SASH1: variants seen among roughly 807,000 people sequenced by gnomAD.
SASH1 encodes the protein SAM and SH3 domain-containing protein 1.
A neutral mutation model predicts 125.2 loss-of-function variants in SASH1; 44 were observed. That is an observed-to-expected ratio of 0.35 (90% confidence interval 0.28 to 0.45). The LOEUF (loss-of-function observed/expected upper bound fraction) is 0.45. SASH1 is among the 20% of genes least tolerant of loss of function. The pLI, the probability that SASH1 is intolerant of heterozygous loss-of-function variation, is 1.00. For missense variants in SASH1, 1,426 were observed against 1,614.5 expected (o/e 0.88, Z 2.00); for synonymous variants, 639 against 649.1 (o/e 0.98, Z 0.24).
At chr6:148,194,751 C>T in the SASH1 span, among the ~76,000 whole-genome samples, 1 of 152,026 alleles carries the variant, frequency 6.6e-6, no homozygotes, top group South Asian at 2.1e-4. Flanking sequence ...ACTAAAAATA[C>T]TAAAAATTAG....
At chr6:148,457,594 C>T (rs1265814984) in intron 4 of SASH1, among the ~76,000 whole-genome samples, 2 of 152,128 alleles carry the variant, frequency 1.3e-5, no homozygotes, top group East Asian at 1.9e-4. Flanking sequence ...GACTGAAATA[C>T]GATGAGATTT....
the SASH1 span, among the ~76,000 whole-genome samples, chr6:148,204,027 G>C: frequency 1.3e-5 from 2 of 152,154 alleles, no homozygotes; most frequent in African/African-American, 4.8e-5. Context: ...AAAATTGCCG[G>C]GAATTTTTGC....
chr6:148,449,052 C>G (rs7764150), intron 4 of SASH1, among the ~76,000 whole-genome samples: 1 of 139,464 alleles, frequency 7.2e-6, no homozygotes, highest in African/African-American at 2.6e-5. Context: ...ATAGAATACC[C>G]GAGACTGGCT....
chr6:148,288,007 G>A (rs1489881990), intron 1 of SASH1, among the ~76,000 whole-genome samples: 1 of 152,122 alleles, frequency 6.6e-6, no homozygotes, highest in Non-Finnish European at 1.5e-5. Context: ...CTTTTTTGGT[G>A]GGCTTTCGTT....
At chr6:148,228,274 T>C in the SASH1 span, among the ~76,000 whole-genome samples, 1 of 152,228 alleles carries the variant, frequency 6.6e-6, no homozygotes, top group Non-Finnish European at 1.5e-5. Context: ...TGAGATTTAA[T>C]AGTATTTTTA....
intron 8 of SASH1, among the ~76,000 whole-genome samples, chr6:148,510,803 C>G (rs1780071309): frequency 6.6e-6 from 1 of 151,788 alleles, no homozygotes; most frequent in African/African-American, 2.4e-5. Context: ...TCAAGACCAG[C>G]CTGGCCAACA....
the SASH1 span, among the ~76,000 whole-genome samples, chr6:148,258,426 C>A: frequency 6.6e-6 from 1 of 152,058 alleles, no homozygotes; most frequent in South Asian, 2.1e-4. Context: ...ACAATAAACC[C>A]CTAAATAGAT....
chr6:148,450,546 T>C (rs1263936885), intron 4 of SASH1, among the ~76,000 whole-genome samples: 1 of 152,070 alleles, frequency 6.6e-6, no homozygotes, highest in Non-Finnish European at 1.5e-5. Context: ...CTCCTTGGAC[T>C]CTAGTAGCAT....
chr6:148,535,419 A>G (rs1051848348), intron 16 of SASH1, among the ~76,000 whole-genome samples: 2 of 152,224 alleles, frequency 1.3e-5, no homozygotes, highest in African/African-American at 4.8e-5. Context: ...GTTTTCGCTC[A>G]GCCAAAGCTT....
chr6:148,534,915 T>A lies in SASH1; in HGVS notation c.2095+14T>A. On this transcript the variant is annotated intron_variant, in intron 16 of 19. Transcript: ENST00000367467. Reference sequence around the variant, plus strand: ...AAGAGTATGACAGTAAGTCCCTGTATGCACAGAGGTGTTCCCTGTGAGGTC... The same window carrying A: ...AAGAGTATGACAGTAAGTCCCTGTAAGCACAGAGGTGTTCCCTGTGAGGTC... The A allele has an allele frequency of 6.2e-7, 1 of 1,612,548 alleles. No individual in the cohort carries two copies. The highest frequency in any genetic ancestry group is 8.5e-7 in the Non-Finnish European group (1 of 1,178,972).
intron 7 of SASH1, among the ~76,000 whole-genome samples, chr6:148,475,492 T>TA (rs941478367): frequency 1.7e-4 from 26 of 152,174 alleles, no homozygotes; most frequent in African/African-American, 6.3e-4. Context: ...GCCAAGAAGC[T>TA]AAAGGGGGCA....
chr6:148,424,244 T>A (rs75585915), intron 2 of SASH1, among the ~76,000 whole-genome samples: 1 of 148,590 alleles, frequency 6.7e-6, no homozygotes. Flanking sequence ...TTTTTTTTTT[T>A]GGGGGGGGGA....
At chr6:148,486,118 C>A (rs2115193598) in intron 7 of SASH1, among the ~76,000 whole-genome samples, 1 of 151,966 alleles carries the variant, frequency 6.6e-6, no homozygotes, top group Non-Finnish European at 1.5e-5. Context: ...TTGCTATAGC[C>A]TTTCTTTCCT....
chr6:148,222,959 T>C, the SASH1 span, among the ~76,000 whole-genome samples: 5 of 152,198 alleles, frequency 3.3e-5, no homozygotes, highest in Non-Finnish European at 1.5e-5. Flanking sequence ...CTTATTTATA[T>C]AATGAGGATA....
chr6:148,541,596 G>GAAAAA (rs1277542673), intron 17 of SASH1, among the ~76,000 whole-genome samples: 2 of 152,124 alleles, frequency 1.3e-5, no homozygotes, highest in Admixed American at 1.3e-4. Context: ...GGAATCATGG[G>GAAAAA]AAAAAATAGT....
the SASH1 span, among the ~76,000 whole-genome samples, chr6:148,262,159 C>A: frequency 2.6e-5 from 4 of 152,136 alleles, no homozygotes; most frequent in Admixed American, 6.5e-5. Flanking sequence ...TTATTCATGT[C>A]TTTTCACCTC....
intron 1 of SASH1, among the ~76,000 whole-genome samples, chr6:148,360,355 T>TC (rs2114702375): frequency 6.6e-6 from 1 of 151,612 alleles, no homozygotes; most frequent in East Asian, 1.9e-4. Flanking sequence ...TTGTTTTTTT[T>TC]TTTTTTTTTC....
the SASH1 span, among the ~76,000 whole-genome samples, chr6:148,201,566 C>A: frequency 3.8e-4 from 58 of 152,270 alleles, no homozygotes; most frequent in African/African-American, 1.3e-3. Context: ...CTGCTGATCT[C>A]GGGGCACACT....
At chr6:148,202,271 C>T in the SASH1 span, among the ~76,000 whole-genome samples, 3 of 152,176 alleles carry the variant, frequency 2.0e-5, no homozygotes, top group African/African-American at 7.2e-5. Context: ...TGGAAGCCAA[C>T]TCTAACATTG....
Sources: allele counts gnomAD v4.1 joint callset (sites outside exome capture counted in the v4.1 genomes callset), GRCh38; gene constraint gnomAD v4.1.1; transcripts MANE v1.5; gene names NCBI Gene and HGNC (gene_info 2026-07-23, HGNC 2026-07-21).